The following PLCB1 variants were observed in gnomAD, a reference collection of about 807,000 sequenced individuals.
PLCB1 encodes 1-phosphatidylinositol 4,5-bisphosphate phosphodiesterase beta-1.
PLCB1 carries 46 observed loss-of-function variants against 161.8 expected under a neutral mutation model. The ratio of observed to expected loss-of-function variants is 0.28; its 90% CI spans 0.22 to 0.36. The LOEUF (loss-of-function observed/expected upper bound fraction) is 0.36, where lower values mean the gene tolerates loss of function less well. Among genes scored for constraint, PLCB1 ranks in the 10% least tolerant of loss-of-function variants. The probability of loss-of-function intolerance (pLI) is 1.00; values close to 1 mark genes in which losing one functional copy is unlikely to be tolerated. For missense variants in PLCB1, 1,016 were observed against 1,472.5 expected (o/e 0.69, Z 5.07); for synonymous variants, 517 against 503.7 (o/e 1.03, Z -0.35).
At chr20:8,214,606 C>G (rs1979019783) in intron 2 of PLCB1, among the ~76,000 whole-genome samples, 1 of 151,718 alleles carries the variant, frequency 6.6e-6, no homozygotes, top group Admixed American at 6.6e-5. Context: ...TACCCTGTGT[C>G]TTCATTCATT....
intron 3 of PLCB1, among the ~76,000 whole-genome samples, chr20:8,574,841 G>T (rs1986626221): frequency 6.6e-6 from 1 of 152,226 alleles, no homozygotes; most frequent in Non-Finnish European, 1.5e-5. Flanking sequence ...CCTTAAGCAG[G>T]CTCTGGCCAT....
intron 2 of PLCB1, among the ~76,000 whole-genome samples, chr20:8,242,149 T>C (rs1263164578): frequency 6.6e-6 from 1 of 151,996 alleles, no homozygotes; most frequent in African/African-American, 2.4e-5. Flanking sequence ...ACCTTCCTGC[T>C]ACATGTTTCT....
intron 3 of PLCB1, among the ~76,000 whole-genome samples, chr20:8,626,971 T>A (rs1988368344): frequency 6.6e-6 from 1 of 152,224 alleles, no homozygotes; most frequent in African/African-American, 2.4e-5. Flanking sequence ...TATTGTTTAT[T>A]TAATAAAACT....
At chr20:8,565,518 A>G (rs962179169) in intron 3 of PLCB1, among the ~76,000 whole-genome samples, 1 of 151,270 alleles carries the variant, frequency 6.6e-6, no homozygotes, top group African/African-American at 2.4e-5. Flanking sequence ...TACTTTAAAT[A>G]TAATAAAGTA....
At position 8,275,250 on chromosome 20, in the gene PLCB1, A is replaced by AGTGTGTGTGTGT. The variant is rs3031931; in HGVS notation, c.178-96106_178-96095dup. 9.0e-3 allele frequency among the ~76,000 whole-genome samples: 1,303 copies of AGTGTGTGTGTGT among 145,426 alleles called. 17 individuals are homozygous for AGTGTGTGTGTGT. Among genetic ancestry groups the AGTGTGTGTGTGT allele is most frequent in the African/African-American group, 0.023 (897 of 39,030 alleles). ...ACCAGGTTTGCTTTGCATCAGCGTGAGTGTGTGTGTGTGTGTGTGTGTGTG... is the reference window on the plus strand; with the variant it reads ...ACCAGGTTTGCTTTGCATCAGCGTGAGTGTGTGTGTGTGTGTGTGTGTGTGTGTGTGTGTGTG... On this transcript the variant is annotated intron_variant, in intron 2 of 31. Coordinates refer to ENST00000338037, the MANE Select transcript of PLCB1 (RefSeq NM_015192.4).
At chr20:8,260,344 C>T (rs1489209230) in intron 2 of PLCB1, among the ~76,000 whole-genome samples, 3 of 151,658 alleles carry the variant, frequency 2.0e-5, no homozygotes, top group Non-Finnish European at 4.4e-5. Flanking sequence ...CTGAGCCTCC[C>T]GAAATGCTGG....
chr20:8,570,754 A>C (rs1205649204), intron 3 of PLCB1, among the ~76,000 whole-genome samples: 1 of 152,232 alleles, frequency 6.6e-6, no homozygotes, highest in African/African-American at 2.4e-5. Context: ...CATGATCAGG[A>C]AAAATGGTAT....
chr20:8,855,411 C>T (rs1160233349), intron 31 of PLCB1, among the ~76,000 whole-genome samples: 1 of 152,130 alleles, frequency 6.6e-6, no homozygotes, highest in Non-Finnish European at 1.5e-5. Flanking sequence ...CCAAGTTCAC[C>T]CAGCTGCAGC....
At chr20:8,307,682 A>G (rs943550646) in intron 2 of PLCB1, among the ~76,000 whole-genome samples, 3 of 152,122 alleles carry the variant, frequency 2.0e-5, no homozygotes, top group African/African-American at 7.2e-5. Flanking sequence ...GCACTTTGGG[A>G]GGCCGAGGTG....
At chr20:8,473,682 A>T (rs1314253990) in intron 3 of PLCB1, among the ~76,000 whole-genome samples, 2 of 152,186 alleles carry the variant, frequency 1.3e-5, no homozygotes, top group African/African-American at 4.8e-5. Flanking sequence ...TCTTCTCCAA[A>T]ATAGAAAATG....
In PLCB1 at chr20:8,183,250, T is replaced by G. The variant is rs570770830; in HGVS notation, c.177+32879T>G. 3.3e-5 allele frequency among the ~76,000 whole-genome samples: 5 copies of G among 152,320 alleles called. No homozygotes were observed. The East Asian group carries it at 9.6e-4, about 29-fold the overall frequency. ...TTCTTCCTTTAACTAGCTATGTGGC[T>G]TTAGCAAATATTTTAACATCATTAA... On this transcript the variant is annotated intron_variant, in intron 2 of 31. Transcript: ENST00000338037.
At chr20:8,288,027 A>G (rs1255945521) in intron 2 of PLCB1, among the ~76,000 whole-genome samples, 1 of 152,178 alleles carries the variant, frequency 6.6e-6, no homozygotes, top group Non-Finnish European at 1.5e-5. Flanking sequence ...GTGCTAAACC[A>G]AAGAACTTCT....
intron 31 of PLCB1, among the ~76,000 whole-genome samples, chr20:8,853,217 G>T (rs1042066388): frequency 2.6e-5 from 4 of 152,246 alleles, no homozygotes; most frequent in East Asian, 3.9e-4. Context: ...AATAAAGTAG[G>T]TTATTAGTCC....
intron 26 of PLCB1, among the ~76,000 whole-genome samples, chr20:8,769,165 A>G (rs1279937816): frequency 6.6e-6 from 1 of 152,200 alleles, no homozygotes; most frequent in Non-Finnish European, 1.5e-5. Flanking sequence ...AGCTGTCAAG[A>G]ATATTTTTAA....
chr20:8,291,384 G>A (rs1385648068), intron 2 of PLCB1, among the ~76,000 whole-genome samples: 3 of 152,088 alleles, frequency 2.0e-5, no homozygotes, highest in African/African-American at 7.2e-5. Context: ...CAAAAACAGT[G>A]GGGCCACTGA....
chr20:8,593,290 A>AGTCT (rs1357005640), intron 3 of PLCB1, among the ~76,000 whole-genome samples: 1 of 152,084 alleles, frequency 6.6e-6, no homozygotes, highest in African/African-American at 2.4e-5. Context: ...CTTCTGCTTC[A>AGTCT]GTCTCCCAAG....
At position 8,795,512 on chromosome 20, in the gene PLCB1, C is replaced by T. The variant is rs142160047; in HGVS notation, c.3423+5251C>T. On this transcript the variant is annotated intron_variant, in intron 31 of 31. Coordinates refer to ENST00000338037, the MANE Select transcript of PLCB1 (RefSeq NM_015192.4). ...GCATGTTTTCTAGCAATGAGATATT[C>T]GATTCAGTCCTTGAGTGTATGTGGG... Among the ~76,000 whole-genome samples the T allele has an allele frequency of 2.2e-3, 329 of 152,266 alleles. 2 individuals carry two copies. Among genetic ancestry groups the T allele is most frequent in the Admixed American group, 0.019 (288 of 15,296 alleles).
chr20:8,272,560 A>T (rs1332904678), intron 2 of PLCB1, among the ~76,000 whole-genome samples: 1 of 152,158 alleles, frequency 6.6e-6, no homozygotes, highest in Non-Finnish European at 1.5e-5. Context: ...TTGAAACAAC[A>T]GTAATTCCTG....
At chr20:8,475,264 T>C (rs1387883125) in intron 3 of PLCB1, among the ~76,000 whole-genome samples, 1 of 152,122 alleles carries the variant, frequency 6.6e-6, no homozygotes, top group Non-Finnish European at 1.5e-5. Flanking sequence ...GCTTACTCTG[T>C]GCTACTGAAG....
Sources: allele counts gnomAD v4.1 joint callset (sites outside exome capture counted in the v4.1 genomes callset), GRCh38; gene constraint gnomAD v4.1.1; transcripts MANE v1.5; gene names NCBI Gene and HGNC (gene_info 2026-07-23, HGNC 2026-07-21).